TAF11: variants seen among roughly 807,000 people sequenced by gnomAD.
The protein encoded by TAF11 is TATA-box binding protein associated factor 11, also known as transcription initiation factor TFIID subunit 11.
TAF11 carries 10 observed loss-of-function variants against 23.0 expected under a neutral mutation model. The observed-to-expected ratio is 0.43, with a 90% CI of 0.27 to 0.74. The LOEUF is 0.74. Ranked by LOEUF, TAF11 falls within the 30% of genes least tolerant of loss-of-function variation. The pLI is 0.19. For missense variants in TAF11, 196 were observed against 261.7 expected (o/e 0.75, Z 1.73); for synonymous variants, 85 against 95.8 (o/e 0.89, Z 0.66).
At chr6:34,879,533 A>T (rs891658898) in intron 4 of TAF11, 1 of 984,354 alleles carries the variant, frequency 1.0e-6, no homozygotes, top group Middle Eastern at 5.2e-4. Flanking sequence ...AAAAAATTTC[A>T]CCAGCTAGAG....
Position 34,880,408 on chromosome 6 carries a change from T to C in TAF11, c.321-32A>G. The stretch of plus-strand genomic sequence containing the variant: ...AAAGATCCAGGTAACTAAGTTAACT[T>C]ATAAGAACGAATACTCAAGATATTA... On this transcript the variant is annotated intron_variant, in intron 2 of 4. Transcript: ENST00000361288. The surrounding 1 kb of genome is among the most constrained non-coding windows in gnomAD (Gnocchi z 4.8). 6.3e-7 allele frequency: 1 copy of C among 1,592,756 alleles called. No individual in the cohort carries two copies. Among genetic ancestry groups the C allele is most frequent in the Non-Finnish European group, 8.6e-7 (1 of 1,162,356 alleles).
In TAF11 at chr6:34,882,989, G is replaced by T; in HGVS notation, c.263C>A (p.Thr88Asn). 6.2e-7 allele frequency: 1 copy of T among 1,610,572 alleles called. No homozygotes were observed. Among genetic ancestry groups the T allele is most frequent in the Non-Finnish European group, 8.5e-7 (1 of 1,178,974 alleles). Residue 88 changes from threonine to asparagine, a missense_variant, in exon 2 of 5, where the codon ACC becomes AAC. Physicochemically the swap from Thr to Asn is moderately conservative, Grantham distance 65. Coordinates refer to ENST00000361288, the MANE Select transcript of TAF11 (RefSeq NM_005643.4). ...CTGCTTTTTCTCTTTCTTTTCTTTG[G>T]TATCTATTTTCAGTTTTTTGGCTGC... ...NPAAKKLKIDTKEKKEKKQKV... is the reference protein window; with the variant it reads ...NPAAKKLKIDNKEKKEKKQKV...
Position 34,877,894 on chromosome 6 carries a change from A to G in TAF11, c.*696T>C, listed in dbSNP as rs1561821702. 6.6e-6 allele frequency: 1 copy of G among 152,224 alleles called. No homozygotes were observed. The highest frequency in any genetic ancestry group is 2.4e-5 in the African/African-American group (1 of 41,444). 9.4% of individuals were successfully genotyped at this position (152,224 alleles called of 1,614,324 possible). Reference sequence around the variant, plus strand: ...ATTACCGCATCCTTCATGGTAGAGTATCACAAGTAAAAGTTTCTGGTTGTT... The same window carrying G: ...ATTACCGCATCCTTCATGGTAGAGTGTCACAAGTAAAAGTTTCTGGTTGTT... On this transcript the variant is annotated 3_prime_UTR_variant, in exon 5 of 5. Transcript: ENST00000361288.
chr6:34,885,499 ATG>A (rs1766511337), intron 1 of TAF11, among the ~76,000 whole-genome samples: 1 of 152,158 alleles, frequency 6.6e-6, no homozygotes, highest in Admixed American at 6.5e-5. Context: ...GTGGCCTGTT[ATG>A]ATTTCTACTT....
chr6:34,887,660 G>T, intron 1 of TAF11, 127 bp downstream of exon 1: 1 of 1,165,020 alleles, frequency 8.6e-7, no homozygotes, highest in Non-Finnish European at 1.3e-6. Flanking sequence ...CAAGATTAAC[G>T]ATCTGGAGGG....
intron 1 of TAF11, 71 bp downstream of exon 1, chr6:34,887,716 G>C: frequency 1.9e-6 from 3 of 1,593,358 alleles, no homozygotes; most frequent in Admixed American, 1.7e-5. Context: ...GGACTAACCA[G>C]AAGCCCGGCG....
Position 34,877,928 on chromosome 6 carries a change from T to G in TAF11, c.*662A>C, listed in dbSNP as rs1412112925. The G allele has an allele frequency of 6.6e-6, 1 of 152,206 alleles. No homozygotes were observed. The highest frequency in any genetic ancestry group is 1.5e-5 in the Non-Finnish European group (1 of 68,046). 9.4% of individuals were successfully genotyped at this position (152,206 alleles called of 1,614,324 possible). ...AAAAGTTTCTGGTTGTTTCATCTACTTAAAACCAGATATAAGAAACAACCT... is the reference window on the plus strand; with the variant it reads ...AAAAGTTTCTGGTTGTTTCATCTACGTAAAACCAGATATAAGAAACAACCT... On this transcript the variant is annotated 3_prime_UTR_variant, in exon 5 of 5. Transcript: ENST00000361288.
rs1254071414 is a variant in TAF11, at chr6:34,880,826, C to T, written c.321-450G>A. 6.6e-6 allele frequency among the ~76,000 whole-genome samples: 1 copy of T among 152,150 alleles called. No homozygotes were observed. The highest frequency in any genetic ancestry group is 2.4e-5 in the African/African-American group (1 of 41,442). ...TTTCAAATGAATAAAGGGGCCATGTCAATTTTTGAAAATGAACAAAGTACA... is the reference window on the plus strand; with the variant it reads ...TTTCAAATGAATAAAGGGGCCATGTTAATTTTTGAAAATGAACAAAGTACA... On this transcript the variant is annotated intron_variant, in intron 2 of 4. Coordinates refer to ENST00000361288, the MANE Select transcript of TAF11 (RefSeq NM_005643.4). The surrounding 1 kb of genome is among the most constrained non-coding windows in gnomAD (Gnocchi z 4.8).
chr6:34,879,951 A>G lies in TAF11; in HGVS notation c.505+16T>C, dbSNP rs1423583379. On this transcript the variant is annotated intron_variant, in intron 4 of 4. Transcript: ENST00000361288. ...ACCACAGGTACAATCCAGTATTTGTAACCAACACTACTCACCTTCTTCTAC... is the reference window on the plus strand; with the variant it reads ...ACCACAGGTACAATCCAGTATTTGTGACCAACACTACTCACCTTCTTCTAC... 2 of 1,610,242 alleles carry G rather than the reference A, an allele frequency of 1.2e-6. No individual in the cohort carries two copies. The highest frequency in any genetic ancestry group is 1.1e-5 in the South Asian group (1 of 90,910).
intron 1 of TAF11, among the ~76,000 whole-genome samples, chr6:34,885,634 C>T (rs988326766): frequency 1.7e-4 from 26 of 152,164 alleles, no homozygotes; most frequent in Non-Finnish European, 3.1e-4. Context: ...CCTCTGTGTA[C>T]TAAGCTAATT....
intron 1 of TAF11, among the ~76,000 whole-genome samples, chr6:34,884,245 G>GAT (rs1293952436): frequency 6.6e-6 from 1 of 152,126 alleles, no homozygotes; most frequent in Non-Finnish European, 1.5e-5. Flanking sequence ...CCATAAAAAA[G>GAT]GAGATCATGT....
chr6:34,887,711 A>C, intron 1 of TAF11, 76 bp downstream of exon 1: 1 of 1,579,404 alleles, frequency 6.3e-7, no homozygotes, highest in Non-Finnish European at 8.7e-7. Flanking sequence ...GTTAGGGACT[A>C]ACCAGAAGCC....
intron 1 of TAF11, among the ~76,000 whole-genome samples, chr6:34,883,460 G>T (rs1452844871): frequency 6.6e-6 from 1 of 152,108 alleles, no homozygotes; most frequent in African/African-American, 2.4e-5. Context: ...TCTGCTTCCA[G>T]ATCTATAGAT....
In TAF11 at chr6:34,878,081, C is replaced by T. The variant is rs1223089815; in HGVS notation, c.*509G>A. 6.6e-6 allele frequency: 1 copy of T among 152,560 alleles called. No homozygotes were observed. The highest frequency in any genetic ancestry group is 1.5e-5 in the Non-Finnish European group (1 of 68,378). 9.5% of individuals were successfully genotyped at this position (152,560 alleles called of 1,614,324 possible). On this transcript the variant is annotated 3_prime_UTR_variant, in exon 5 of 5. Coordinates refer to ENST00000361288, the MANE Select transcript of TAF11 (RefSeq NM_005643.4). Reference sequence around the variant, plus strand: ...CCTGGGCAACAAAGCAAGACCCCATCTCCATAAAAAATAAAAATAAGTTAG... The same window carrying T: ...CCTGGGCAACAAAGCAAGACCCCATTTCCATAAAAAATAAAAATAAGTTAG...
intron 1 of TAF11, among the ~76,000 whole-genome samples, chr6:34,885,115 T>TC (rs1421620490): frequency 1.3e-5 from 2 of 151,766 alleles, no homozygotes; most frequent in African/African-American, 2.4e-5. Context: ...CTTTTTTTTC[T>TC]CCCCCAGACT....
rs1359958890 is a variant in TAF11, at chr6:34,885,088, T to C, written c.172-2008A>G. Among the ~76,000 whole-genome samples the C allele has an allele frequency of 6.1e-5, 9 of 146,418 alleles. No individual in the cohort carries two copies. The East Asian group carries it at 1.8e-3, about 30-fold the overall frequency. On this transcript the variant is annotated intron_variant, in intron 1 of 4. Transcript: ENST00000361288. Reference sequence around the variant, plus strand: ...ACTCCTTGTTCCTACATTCTTCTGATTTATTTTGTTCTTTATCTTTTTTTT... The same window carrying C: ...ACTCCTTGTTCCTACATTCTTCTGACTTATTTTGTTCTTTATCTTTTTTTT...
rs1432101839 is a variant in TAF11, at chr6:34,880,025, A to G, written c.447T>C (p.Asn149=). 5 of 1,614,196 alleles carry G rather than the reference A, an allele frequency of 3.1e-6. No homozygotes were observed. Among genetic ancestry groups the G allele is most frequent in the Non-Finnish European group, 3.4e-6 (4 of 1,180,012 alleles). Reference sequence around the variant, plus strand: ...AAATACCAGACATAGCAATAACAACATTCTGAGACACAGAGGTGCCAGTGA... The same window carrying G: ...AAATACCAGACATAGCAATAACAACGTTCTGAGACACAGAGGTGCCAGTGA... ...QSITGTSVSQ[N]VVIAMSGISK... The change falls in exon 4 of 5, where the codon AAT becomes AAC. Residue 149 remains asparagine, a synonymous_variant. Transcript: ENST00000361288. The surrounding 1 kb of genome is among the most constrained non-coding windows in gnomAD (Gnocchi z 4.8).
chr6:34,881,255 G>A (rs866882598), intron 2 of TAF11, among the ~76,000 whole-genome samples: 8 of 152,234 alleles, frequency 5.3e-5, no homozygotes, highest in African/African-American at 1.4e-4. Flanking sequence ...GGGATACAAT[G>A]TAGCCATTAA....
At position 34,878,525 on chromosome 6, in the gene TAF11, G is replaced by T; in HGVS notation, c.*65C>A. The T allele has an allele frequency of 1.1e-6, 1 of 881,432 alleles. No individual in the cohort carries two copies. Among genetic ancestry groups the T allele is most frequent in the Non-Finnish European group, 1.9e-6 (1 of 514,306 alleles). 54.6% of individuals were successfully genotyped at this position (881,432 alleles called of 1,614,324 possible). Reference sequence around the variant, plus strand: ...AGATACTAAAGCACCAATGCAGACAGTCTTATAGGAAGTCTGGAACCAATA... The same window carrying T: ...AGATACTAAAGCACCAATGCAGACATTCTTATAGGAAGTCTGGAACCAATA... On this transcript the variant is annotated 3_prime_UTR_variant, in exon 5 of 5. Coordinates refer to ENST00000361288, the MANE Select transcript of TAF11 (RefSeq NM_005643.4).
Sources: allele counts gnomAD v4.1 joint callset (sites outside exome capture counted in the v4.1 genomes callset), GRCh38; gene constraint gnomAD v4.1.1; non-coding constraint Gnocchi (gnomAD v3.1); transcripts MANE v1.5; gene names NCBI Gene and HGNC (gene_info 2026-07-23, HGNC 2026-07-21).